GABRA5: variants seen among roughly 807,000 people sequenced by gnomAD.
GABRA5 encodes the protein gamma-aminobutyric acid receptor subunit alpha-5.
A neutral mutation model predicts 47.3 loss-of-function variants in GABRA5; 18 were observed. That is an observed-to-expected ratio of 0.38 (90% CI 0.26 to 0.56). The LOEUF is 0.56. GABRA5 is among the 20% of genes least tolerant of loss of function. The pLI is 0.71. For missense variants in GABRA5, 365 were observed against 599.3 expected, an observed-to-expected ratio of 0.61 and a Z score of 4.08; for synonymous variants, 237 against 229.3, an observed-to-expected ratio of 1.03 and a Z score of -0.30.
intron 6 of GABRA5, among the ~76,000 whole-genome samples, chr15:26,897,123 T>C (rs1240619904): frequency 6.6e-6 from 1 of 152,090 alleles, no homozygotes; most frequent in East Asian, 1.9e-4. Context: ...TTATAGAGAA[T>C]ACATGAGCGT....
At chr15:26,880,127 C>A (rs1403702357) in intron 3 of GABRA5, among the ~76,000 whole-genome samples, 1 of 152,166 alleles carries the variant, frequency 6.6e-6, no homozygotes, top group Non-Finnish European at 1.5e-5. Flanking sequence ...GCTCATATTA[C>A]ATAAGCTTTT....
Position 26,883,305 on chromosome 15 carries a change from C to T in GABRA5, c.277-32C>T, listed in dbSNP as rs138872013. 1.6e-4 allele frequency: 264 copies of T among 1,612,726 alleles called. 1 individual carries two copies. In the African/African-American group the frequency reaches 3.0e-3, roughly 18 times the overall value. On this transcript the variant is annotated intron_variant, in intron 5 of 10. Transcript: ENST00000335625. The surrounding 1 kb of genome is among the most constrained non-coding windows in gnomAD (Gnocchi z 4.8). ...CAGGCCCCCGCCCAGGCCCCGTGCC[C>T]TCTGACTGCCTCGTGCCTTCCTTTC... is the stretch of plus-strand genomic sequence containing the variant.
intron 3 of GABRA5, chr15:26,877,646 C>T (rs1016394884): frequency 2.2e-6 from 1 of 455,208 alleles, no homozygotes; most frequent in Middle Eastern, 3.3e-4. Flanking sequence ...ATGACAATAC[C>T]GAAAAGATTT....
At chr15:26,869,372 G>T (rs1261303413) in intron 3 of GABRA5, 38 bp downstream of exon 3, 17 of 1,229,238 alleles carry the variant, frequency 1.4e-5, no homozygotes, top group Non-Finnish European at 2.1e-5. Flanking sequence ...ATGATGTTAG[G>T]GACACTGGTG....
At chr15:26,917,472 T>TA (rs1362063276) in intron 7 of GABRA5, among the ~76,000 whole-genome samples, 1 of 152,144 alleles carries the variant, frequency 6.6e-6, no homozygotes, top group African/African-American at 2.4e-5. Flanking sequence ...AGTTTGTTGA[T>TA]ACTTTATTGA....
chr15:26,911,086 C>A (rs1028360978), intron 6 of GABRA5, among the ~76,000 whole-genome samples: 16 of 152,158 alleles, frequency 1.1e-4, no homozygotes, highest in Middle Eastern at 3.4e-3. Flanking sequence ...TGAAACAGTT[C>A]TTATTGAGAG....
intron 7 of GABRA5, among the ~76,000 whole-genome samples, chr15:26,917,027 T>C (rs1395391030): frequency 6.6e-6 from 1 of 152,156 alleles, no homozygotes; most frequent in Non-Finnish European, 1.5e-5. Context: ...AGGGAGAGTT[T>C]CACTTCTTCC....
rs1894553795 is a variant in GABRA5, at chr15:26,947,992, C to G, written c.1148C>G (p.Ser383Cys). ...STNAFTTGKM[S>C]HPPNIPKEQT... ...AACGCTTTTACAACTGGGAAGATGT[C>G]TCACCCCCCAAACATTCCGAAGGAA... is the stretch of plus-strand genomic sequence containing the variant. The change falls in exon 11 of 11, where the codon TCT becomes TGT. Residue 383 changes from serine to cysteine, a missense_variant. Around this residue, in one of 3 missense-constraint regions of GABRA5, gnomAD observed 106 missense variants for 130.3 expected, o/e 0.81. Transcript: ENST00000335625. The G allele has an allele frequency of 2.5e-6, 4 of 1,597,758 alleles. No individual in the cohort carries two copies. The highest frequency in any genetic ancestry group is 1.7e-6 in the Non-Finnish European group (2 of 1,171,606).
chr15:26,899,962 T>G (rs9672552), intron 6 of GABRA5, among the ~76,000 whole-genome samples: 3,063 of 152,244 alleles, frequency 0.02, 105 homozygotes, highest in African/African-American at 0.07. Flanking sequence ...TTTCTTGTTC[T>G]ACAGTTCTTT....
Position 26,914,316 on chromosome 15 carries a change from T to A in GABRA5, c.498-487T>A, listed in dbSNP as rs139511399. Among the ~76,000 whole-genome samples the A allele has an allele frequency of 1.7e-3, 264 of 152,352 alleles. 3 individuals are homozygous for A. In the East Asian group the frequency reaches 0.021, roughly 12 times the overall value. ...AAAACTCTGCACTAAATGTACCACGTGAAGTTATAAGTGAAATAGTAGATA... is the reference window on the plus strand; with the variant it reads ...AAAACTCTGCACTAAATGTACCACGAGAAGTTATAAGTGAAATAGTAGATA... On this transcript the variant is annotated intron_variant, in intron 6 of 10. Coordinates refer to ENST00000335625, the MANE Select transcript of GABRA5 (RefSeq NM_000810.4).
chr15:26,888,991 C>T (rs1029808147), intron 6 of GABRA5, among the ~76,000 whole-genome samples: 28 of 152,224 alleles, frequency 1.8e-4, no homozygotes, highest in African/African-American at 6.8e-4. Flanking sequence ...GTCACTTGCC[C>T]GTGCCTGTTT....
chr15:26,931,424 C>T (rs1011198813), intron 7 of GABRA5, among the ~76,000 whole-genome samples: 5 of 152,132 alleles, frequency 3.3e-5, no homozygotes, highest in African/African-American at 7.2e-5. Flanking sequence ...TCTCTGAGAC[C>T]TCTTTTATGA....
chr15:26,887,495 A>G (rs1218720713), intron 6 of GABRA5, among the ~76,000 whole-genome samples: 1 of 151,828 alleles, frequency 6.6e-6, no homozygotes, highest in Non-Finnish European at 1.5e-5. Flanking sequence ...ATGCCCAGCT[A>G]ATTTTTGTGT....
Position 26,943,407 on chromosome 15 carries a change from T to C in GABRA5, c.1070T>C (p.Leu357Ser). ...TGGGCCTGGGATGGCAAAAAAGCCT[T>C]GGAAGCAGCCAAGATCAAGGTACTG... ...RGWAWDGKKA[L>S]EAAKIKKKRE... Residue 357 changes from leucine (L) to serine (S), a missense_variant, in exon 10 of 11, where the codon TTG (leucine) becomes TCG (serine). Physicochemically the swap from Leu to Ser is moderately radical, Grantham distance 145. Coordinates refer to ENST00000335625, the MANE Select transcript of GABRA5 (RefSeq NM_000810.4). 1 of 1,592,686 alleles carries C rather than the reference T, an allele frequency of 6.3e-7. No individual in the cohort carries two copies. The highest frequency in any genetic ancestry group is 1.3e-5 in the African/African-American group (1 of 74,580).
intron 6 of GABRA5, among the ~76,000 whole-genome samples, chr15:26,912,636 G>C (rs147794548): frequency 0.018 from 2,784 of 152,190 alleles, 44 homozygotes; most frequent in South Asian, 0.03. Context: ...AAACACACAC[G>C]TACACATGGA....
intron 7 of GABRA5, among the ~76,000 whole-genome samples, chr15:26,918,096 C>T (rs1893759037): frequency 2.0e-5 from 3 of 151,916 alleles, no homozygotes; most frequent in Admixed American, 6.6e-5. Flanking sequence ...TACATTTAGA[C>T]TAGTTTGTGC....
chr15:26,929,999 TCTTCTTC>T (rs796429271), intron 7 of GABRA5, among the ~76,000 whole-genome samples: 104 of 128,638 alleles, frequency 8.1e-4, no homozygotes, highest in Middle Eastern at 4.9e-3. Flanking sequence ...TTCTTCTTCT[TCTTCTTC>T]TTTTTTTTTT....
chr15:26,931,456 A>C (rs577547685), intron 7 of GABRA5, among the ~76,000 whole-genome samples: 33 of 152,158 alleles, frequency 2.2e-4, no homozygotes, highest in African/African-American at 7.7e-4. Flanking sequence ...TCATGACCTA[A>C]TCACCTCCCG....
intron 7 of GABRA5, among the ~76,000 whole-genome samples, chr15:26,920,057 T>G (rs1352376031): frequency 6.6e-6 from 1 of 152,184 alleles, no homozygotes; most frequent in Non-Finnish European, 1.5e-5. Context: ...ACAATTTATT[T>G]AATGTGTCTT....
Sources: allele counts gnomAD v4.1 joint callset (sites outside exome capture counted in the v4.1 genomes callset), GRCh38; gene constraint gnomAD v4.1.1; regional missense constraint gnomAD v4.1.1; non-coding constraint Gnocchi (gnomAD v3.1); transcripts MANE v1.5; gene names NCBI Gene and HGNC (gene_info 2026-07-23, HGNC 2026-07-21).